Variants in SVIL observed in about 807,000 individuals in gnomAD.
The protein encoded by SVIL is supervillin, also known as archvillin.
SVIL carries 101 observed loss-of-function variants against 240.4 expected under a neutral mutation model. The observed-to-expected ratio is 0.42, with a 90% CI of 0.36 to 0.50. SVIL has a LOEUF of 0.50. SVIL is among the 20% of genes least tolerant of loss of function. SVIL has a pLI of 0.01. For missense variants in SVIL, 2,512 were observed against 2,818.7 expected (o/e 0.89, Z 2.46); for synonymous variants, 999 against 1,100.0 (o/e 0.91, Z 1.82).
intron 3 of SVIL, among the ~76,000 whole-genome samples, chr10:29,645,327 T>G: frequency 6.6e-6 from 1 of 152,138 alleles, no homozygotes; most frequent in East Asian, 1.9e-4. Context: ...TCCAGCATTT[T>G]GGGAGGCCGA....
intron 1 of SVIL, among the ~76,000 whole-genome samples, chr10:29,711,322 C>A (rs1193348706): frequency 6.6e-6 from 1 of 152,180 alleles, no homozygotes; most frequent in African/African-American, 2.4e-5. Context: ...ACCACTTGAA[C>A]CTGGGAGGTG....
chr10:29,671,739 A>G (rs1959793822), intron 2 of SVIL, among the ~76,000 whole-genome samples: 1 of 152,104 alleles, frequency 6.6e-6, no homozygotes, highest in African/African-American at 2.4e-5. Flanking sequence ...CTCTATTCCT[A>G]TTTTTTTAAA....
chr10:29,503,963 G>A (rs958420887), intron 17 of SVIL, among the ~76,000 whole-genome samples: 11 of 152,180 alleles, frequency 7.2e-5, no homozygotes, highest in African/African-American at 1.4e-4. Context: ...ATAAAGCCTC[G>A]GCAATCAAGA....
intron 16 of SVIL, among the ~76,000 whole-genome samples, chr10:29,514,390 C>T (rs184910041): frequency 3.0e-3 from 459 of 152,222 alleles, no homozygotes; most frequent in African/African-American, 0.01. Flanking sequence ...GTGTGCATCA[C>T]TGCGCCTGGT....
At chr10:29,531,796 GTGTA>G (rs1414211970) in intron 9 of SVIL, among the ~76,000 whole-genome samples, 1 of 152,290 alleles carries the variant, frequency 6.6e-6, no homozygotes, top group East Asian at 1.9e-4. Context: ...ATGTAAAATT[GTGTA>G]TGTATCATAA....
intron 6 of SVIL, among the ~76,000 whole-genome samples, chr10:29,537,119 A>C (rs1951800154): frequency 6.6e-6 from 1 of 152,102 alleles, no homozygotes; most frequent in South Asian, 2.1e-4. Context: ...ATTAAAATAA[A>C]TAAAAATAAA....
At chr10:29,518,097 ATT>A (rs150461442) in intron 16 of SVIL, among the ~76,000 whole-genome samples, 4 of 151,004 alleles carry the variant, frequency 2.6e-5, no homozygotes, top group African/African-American at 9.7e-5. Flanking sequence ...ATGAAAAAAA[ATT>A]TTTTTAAGGC....
In SVIL at chr10:29,522,531, C is replaced by T. The variant is rs762473194; in HGVS notation, c.3268G>A (p.Glu1090Lys). ...TTGCAGAGCTTCTCCTGTGGCTGTT[C>T]CGAAGAATCCTGGGGCTTCCAGGAC... ...PVSWKPQDSSEQPQEKLCKNP... is the reference protein window; with the variant it reads ...PVSWKPQDSSKQPQEKLCKNP... The change falls in exon 16 of 38, where the codon GAA (glutamate) becomes AAA (lysine). Residue 1090 changes from glutamate (E) to lysine (K), a missense_variant. By Grantham distance (56) the Glu-to-Lys change is moderately conservative. Coordinates refer to ENST00000355867, the MANE Select transcript of SVIL (RefSeq NM_021738.3). 7 of 1,614,060 alleles carry T rather than the reference C, an allele frequency of 4.3e-6. No individual in the cohort carries two copies. The African/African-American group carries it at 6.7e-5, about 15-fold the overall frequency.
intron 36 of SVIL, among the ~76,000 whole-genome samples, chr10:29,459,766 T>C (rs1944017844): frequency 6.6e-6 from 1 of 152,146 alleles, no homozygotes; most frequent in South Asian, 2.1e-4. Context: ...TTGCTCATAT[T>C]AGAAATACAT....
Position 29,631,510 on chromosome 10 carries a change from C to T in SVIL, c.-201+2910G>A, listed in dbSNP as rs201053853. Among the ~76,000 whole-genome samples, 12 of 151,392 alleles carry T rather than the reference C, an allele frequency of 7.9e-5. No homozygotes were observed. The East Asian group carries it at 2.3e-3, about 30-fold the overall frequency. On this transcript the variant is annotated intron_variant, in intron 1 of 37. Coordinates refer to ENST00000355867, the MANE Select transcript of SVIL (RefSeq NM_021738.3). ...TACAAGAATTAGCCGGGCGTGGTGGCGGACACCTGTAATCCCAGCACTTTG... is the reference window on the plus strand; with the variant it reads ...TACAAGAATTAGCCGGGCGTGGTGGTGGACACCTGTAATCCCAGCACTTTG...
intron 33 of SVIL, among the ~76,000 whole-genome samples, 170 bp downstream of exon 33, chr10:29,467,572 C>T (rs1307160848): frequency 6.6e-6 from 1 of 152,156 alleles, no homozygotes; most frequent in Non-Finnish European, 1.5e-5. Context: ...CACAGTGGCT[C>T]AAGCCTGCAC....
At chr10:29,462,793 A>G (rs1462087291) in intron 35 of SVIL, among the ~76,000 whole-genome samples, 1 of 152,208 alleles carries the variant, frequency 6.6e-6, no homozygotes, top group Non-Finnish European at 1.5e-5. Context: ...ACAGCATCTT[A>G]TACATCCACA....
chr10:29,682,752 A>G (rs543473688), intron 2 of SVIL, among the ~76,000 whole-genome samples: 1 of 152,348 alleles, frequency 6.6e-6, no homozygotes, highest in African/African-American at 2.4e-5. Flanking sequence ...TATGTTAGCT[A>G]CAGGAATGGT....
At chr10:29,620,959 A>G (rs1957612201) in intron 1 of SVIL, among the ~76,000 whole-genome samples, 1 of 149,780 alleles carries the variant, frequency 6.7e-6, no homozygotes, top group South Asian at 2.1e-4. Context: ...TTGATTTTTT[A>G]TTCTTAAAAT....
rs1323408870 is a variant in SVIL at position 29,509,330 on chromosome 10, G to GGAGGGAGAGAGAGAGA, written c.3516+3404_3516+3405insTCTCTCTCTCTCCCTC. Among the ~76,000 whole-genome samples, 29 of 66,900 alleles carry GGAGGGAGAGAGAGAGA rather than the reference G, an allele frequency of 4.3e-4. 1 individual carries two copies. In the East Asian group the frequency reaches 4.8e-3, roughly 11 times the overall value. The allele number at this position is 66,900 out of a possible 152,430, so 43.9% of individuals were successfully genotyped here. A position where few individuals can be genotyped will look rare whatever the true frequency, so the allele number is the denominator to read the frequency against. Reference sequence around the variant, plus strand: ...GAGAGAAAGGGAGAAGGAGGGGGAGGGAGAGAGAGAGAGAGAGAGAGAGAG... The same window carrying GGAGGGAGAGAGAGAGA: ...GAGAGAAAGGGAGAAGGAGGGGGAGGGAGGGAGAGAGAGAGAGAGAGAGAGAGAGAGAGAGAGAGAG... On this transcript the variant is annotated intron_variant, in intron 17 of 37. Coordinates refer to ENST00000355867, the MANE Select transcript of SVIL (RefSeq NM_021738.3).
chr10:29,590,861 C>T (rs1279653494), intron 1 of SVIL, among the ~76,000 whole-genome samples: 2 of 152,192 alleles, frequency 1.3e-5, no homozygotes, highest in East Asian at 1.9e-4. Flanking sequence ...ACTATACCTC[C>T]CCCTGGTGGC....
chr10:29,459,332 G>T (rs1042654845), intron 36 of SVIL, among the ~76,000 whole-genome samples: 1 of 152,052 alleles, frequency 6.6e-6, no homozygotes, highest in Admixed American at 6.5e-5. Flanking sequence ...CTGACTTATA[G>T]ATCTTTTCTC....
chr10:29,685,202 A>G (rs1163562215), intron 2 of SVIL, among the ~76,000 whole-genome samples: 1 of 152,224 alleles, frequency 6.6e-6, no homozygotes, highest in Non-Finnish European at 1.5e-5. Context: ...TTAGTTTGCT[A>G]AGGATAATGG....
At chr10:29,571,775 C>T (rs11599713) in intron 1 of SVIL, among the ~76,000 whole-genome samples, 19,378 of 152,138 alleles carry the variant, frequency 0.13, 1,488 homozygotes, top group Non-Finnish European at 0.17. Flanking sequence ...TACAGAAAAA[C>T]GGAACATTCA....
Sources: allele counts gnomAD v4.1 joint callset (sites outside exome capture counted in the v4.1 genomes callset), GRCh38; gene constraint gnomAD v4.1.1; transcripts MANE v1.5; gene names NCBI Gene and HGNC (gene_info 2026-07-23, HGNC 2026-07-21).